Variants in CCDC88C observed in about 807,000 individuals in gnomAD.
CCDC88C encodes the protein protein Daple.
Under a neutral mutation model 198.8 loss-of-function variants are expected in CCDC88C, and 131 were observed. The ratio of observed to expected loss-of-function variants is 0.66; its 90% CI spans 0.57 to 0.76. The LOEUF is 0.76. CCDC88C is among the 30% of genes least tolerant of loss of function. The pLI is 0.00. For missense variants in CCDC88C, 2,553 were observed against 2,631.6 expected (o/e 0.97, Z 0.65); for synonymous variants, 1,166 against 1,114.7 (o/e 1.05, Z -0.92).
rs1407120382 is a variant in CCDC88C at position 91,326,072 on chromosome 14, A to T, written c.1051-16T>A. 3 of 1,605,314 alleles carry T rather than the reference A, an allele frequency of 1.9e-6. No homozygotes were observed. The highest frequency in any genetic ancestry group is 2.6e-6 in the Non-Finnish European group (3 of 1,176,074). ...CTCTCAGCTCCTGGTTAGCAAAAAC[A>T]TACATGAGAACCATCAGATAAAGGC... On this transcript the variant is annotated splice_polypyrimidine_tract_variant and intron_variant, in intron 10 of 29. Coordinates refer to ENST00000389857, the MANE Select transcript of CCDC88C (RefSeq NM_001080414.4).
intron 3 of CCDC88C, among the ~76,000 whole-genome samples, chr14:91,367,946 G>T (rs115036484): frequency 1.1e-3 from 160 of 152,134 alleles, no homozygotes; most frequent in African/African-American, 3.9e-3. Context: ...ACCTGATGCC[G>T]GATGATTTTT....
At chr14:91,415,815 A>ATC (rs1887018120) in intron 2 of CCDC88C, among the ~76,000 whole-genome samples, 1 of 152,186 alleles carries the variant, frequency 6.6e-6, no homozygotes, top group Non-Finnish European at 1.5e-5. Flanking sequence ...TGCCAAAGCA[A>ATC]ACTGCTCCTC....
chr14:91,345,381 G>A (rs752044482), intron 4 of CCDC88C, among the ~76,000 whole-genome samples: 8 of 151,182 alleles, frequency 5.3e-5, no homozygotes, highest in African/African-American at 7.3e-5. Context: ...TAGTAGAGAC[G>A]GGGGTTTCAC....
intron 3 of CCDC88C, among the ~76,000 whole-genome samples, chr14:91,369,638 C>T (rs1437818325): frequency 6.6e-6 from 1 of 152,198 alleles, no homozygotes; most frequent in African/African-American, 2.4e-5. Flanking sequence ...AGCCCAGGCC[C>T]ACATGCTTGT....
At chr14:91,394,981 C>T (rs998769179) in intron 3 of CCDC88C, among the ~76,000 whole-genome samples, 2 of 152,170 alleles carry the variant, frequency 1.3e-5, no homozygotes, top group Non-Finnish European at 2.9e-5. Context: ...CCCCTCCCAC[C>T]CACGTGTCCC....
At chr14:91,399,750 A>G (rs965188966) in intron 3 of CCDC88C, among the ~76,000 whole-genome samples, 3 of 151,546 alleles carry the variant, frequency 2.0e-5, no homozygotes, top group African/African-American at 7.3e-5. Flanking sequence ...GAGGCAGGAG[A>G]ATCATGTGAA....
chr14:91,384,281 T>G lies in CCDC88C; in HGVS notation c.270+24378A>C, dbSNP rs937761041. ...GCGAGACCCCCATCTCTCTTTTTTT[T>G]TTTTTTTTGTATTTGAAATTTTTAT... is the stretch of plus-strand genomic sequence containing the variant. On this transcript the variant is annotated intron_variant, in intron 3 of 29. Transcript: ENST00000389857. 7.4e-4 allele frequency: 262 copies of G among 352,724 alleles called. 7 individuals carry two copies. In the East Asian group the frequency reaches 0.018, roughly 24 times the overall value. 21.8% of individuals were successfully genotyped at this position (352,724 alleles called of 1,614,324 possible). A position where few individuals can be genotyped will look rare whatever the true frequency, so the allele number is the denominator to read the frequency against.
chr14:91,351,474 G>A (rs995273715), intron 4 of CCDC88C, among the ~76,000 whole-genome samples: 1 of 152,154 alleles, frequency 6.6e-6, no homozygotes, highest in African/African-American at 2.4e-5. Context: ...AGGCACTGCC[G>A]AGGAATACTC....
In CCDC88C at chr14:91,371,267, AAAG is replaced by A; in HGVS notation, c.271-11559_271-11557del. ...ACTTTTTTTTTTTAAGCTTCTTGGC[AAAG>A]TCAGTATTTTTGCTGATGGATGGAA... On this transcript the variant is annotated intron_variant, in intron 3 of 29. Coordinates refer to ENST00000389857, the MANE Select transcript of CCDC88C (RefSeq NM_001080414.4). The surrounding 1 kb of genome is among the most constrained non-coding windows in gnomAD (Gnocchi z 4.2). Among the ~76,000 whole-genome samples, 1 of 151,852 alleles carries A rather than the reference AAAG, an allele frequency of 6.6e-6. No individual in the cohort carries two copies. Among genetic ancestry groups the A allele is most frequent in the Non-Finnish European group, 1.5e-5 (1 of 67,976 alleles).
At chr14:91,401,309 ATATT>A (rs1282385450) in intron 3 of CCDC88C, among the ~76,000 whole-genome samples, 2 of 130,568 alleles carry the variant, frequency 1.5e-5, no homozygotes, top group Admixed American at 9.4e-5. Context: ...TATAATGTAT[ATATT>A]TATTATATAT....
intron 3 of CCDC88C, among the ~76,000 whole-genome samples, chr14:91,400,710 T>C (rs1466361146): frequency 3.3e-5 from 5 of 152,164 alleles, no homozygotes; most frequent in Non-Finnish European, 5.9e-5. Flanking sequence ...CAGCATGCAA[T>C]AGCAATTTGT....
At chr14:91,411,836 G>A (rs1223393060) in intron 2 of CCDC88C, among the ~76,000 whole-genome samples, 3 of 151,944 alleles carry the variant, frequency 2.0e-5, no homozygotes, top group Non-Finnish European at 2.9e-5. Context: ...GGTGGCATGC[G>A]CCTGTAATCC....
chr14:91,294,348 A>C (rs1372965220), intron 22 of CCDC88C, 30 bp from the exon 23 acceptor site: 1 of 1,610,820 alleles, frequency 6.2e-7, no homozygotes, highest in African/African-American at 1.3e-5. Flanking sequence ...CGTCTCAGAC[A>C]CCATGTGACC....
intron 3 of CCDC88C, among the ~76,000 whole-genome samples, chr14:91,361,870 A>G (rs996521462): frequency 2.0e-5 from 3 of 152,128 alleles, no homozygotes; most frequent in African/African-American, 7.2e-5. Flanking sequence ...TTTCCAGCTA[A>G]TTTACTCAGT....
intron 29 of CCDC88C, among the ~76,000 whole-genome samples, chr14:91,275,440 T>C (rs1039206590): frequency 6.6e-6 from 1 of 152,002 alleles, no homozygotes; most frequent in African/African-American, 2.4e-5. Flanking sequence ...GCCCCCCCAA[T>C]TTCTGGAGTG....
intron 2 of CCDC88C, among the ~76,000 whole-genome samples, chr14:91,414,136 A>G (rs1280532662): frequency 6.6e-6 from 1 of 152,200 alleles, no homozygotes; most frequent in Admixed American, 6.5e-5. Flanking sequence ...GGATCGAAGA[A>G]TGTGGGGGAA....
intron 20 of CCDC88C, among the ~76,000 whole-genome samples, chr14:91,300,449 A>G (rs929434813): frequency 3.9e-5 from 6 of 152,230 alleles, no homozygotes; most frequent in African/African-American, 1.4e-4. Flanking sequence ...CTAAGCACAA[A>G]TAAATCTAAG....
intron 25 of CCDC88C, 134 bp from the exon 26 acceptor site, chr14:91,283,651 C>T: frequency 2.4e-6 from 2 of 834,766 alleles, no homozygotes; most frequent in African/African-American, 1.7e-5. Context: ...CCACAGCTCT[C>T]GGGCTGCAAC....
rs561668118 is a variant in CCDC88C at position 91,388,914 on chromosome 14, T to C, written c.270+19745A>G. Among the ~76,000 whole-genome samples, 3 of 152,284 alleles carry C rather than the reference T, an allele frequency of 2.0e-5. No homozygotes were observed. In the South Asian group the frequency reaches 6.2e-4, roughly 32 times the overall value. On this transcript the variant is annotated intron_variant, in intron 3 of 29. Coordinates refer to ENST00000389857, the MANE Select transcript of CCDC88C (RefSeq NM_001080414.4). ...CGCAGGGAACCCTGAAGCACCTGAA[T>C]GTGCTGAGGTGGCAGGATGGTGCGT...
Sources: gnomAD v4.1 joint callset for allele counts (sites outside exome capture counted in the v4.1 genomes callset) on GRCh38, gnomAD v4.1.1 for gene constraint, Gnocchi (gnomAD v3.1) non-coding constraint, MANE v1.5 for transcripts, NCBI Gene and HGNC (gene_info 2026-07-23, HGNC 2026-07-21) for gene names.